Variants in CTNND2 observed in about 807,000 individuals in gnomAD.
CTNND2 encodes catenin delta 2, also known as catenin delta-2.
CTNND2 carries 22 observed loss-of-function variants against 144.4 expected under a neutral mutation model. That is an observed-to-expected ratio of 0.15 (90% CI 0.11 to 0.22). CTNND2 has a LOEUF of 0.22. Among genes scored for constraint, CTNND2 ranks in the 10% least tolerant of loss-of-function variants. CTNND2 has a pLI of 1.00. For missense variants in CTNND2, 1,353 were observed against 1,618.8 expected, an observed-to-expected ratio of 0.84 and a Z score of 2.82; for synonymous variants, 751 against 695.6, an observed-to-expected ratio of 1.08 and a Z score of -1.25.
chr5:11,619,179 G>A (rs1165634480), intron 2 of CTNND2, among the ~76,000 whole-genome samples: 2 of 152,126 alleles, frequency 1.3e-5, no homozygotes, highest in African/African-American at 2.4e-5. Flanking sequence ...AGGCCAAGAC[G>A]GGAGGATCAC....
chr5:11,292,580 C>T (rs1458348952), intron 9 of CTNND2, among the ~76,000 whole-genome samples: 1 of 152,104 alleles, frequency 6.6e-6, no homozygotes, highest in African/African-American at 2.4e-5. Context: ...TTTGACAGTT[C>T]CTCCTTCACA....
intron 3 of CTNND2, among the ~76,000 whole-genome samples, chr5:11,476,643 A>G (rs1767770521): frequency 6.6e-6 from 1 of 152,214 alleles, no homozygotes; most frequent in Non-Finnish European, 1.5e-5. Flanking sequence ...CAGTATGGAA[A>G]TATGCCCAGA....
At chr5:11,892,436 C>T (rs1737045594) in intron 1 of CTNND2, among the ~76,000 whole-genome samples, 1 of 152,186 alleles carries the variant, frequency 6.6e-6, no homozygotes, top group Admixed American at 6.5e-5. Context: ...AACCATTCAG[C>T]AGACAAACTG....
chr5:11,795,056 C>T (rs967825934), intron 1 of CTNND2, among the ~76,000 whole-genome samples: 1 of 151,634 alleles, frequency 6.6e-6, no homozygotes, highest in Admixed American at 6.6e-5. Context: ...TAAATTAAAA[C>T]GTTCTTCAGG....
chr5:11,633,646 G>A (rs1957705217), intron 2 of CTNND2, among the ~76,000 whole-genome samples: 2 of 151,822 alleles, frequency 1.3e-5, no homozygotes, highest in Non-Finnish European at 2.9e-5. Context: ...CATAGTGGTG[G>A]GTGCCTGTAA....
chr5:11,289,404 C>T (rs962243220), intron 9 of CTNND2, among the ~76,000 whole-genome samples: 2 of 152,180 alleles, frequency 1.3e-5, no homozygotes, highest in African/African-American at 2.4e-5. Context: ...AACTAGACTG[C>T]GTATGGCATC....
chr5:11,254,312 T>C (rs1743982001), intron 9 of CTNND2, among the ~76,000 whole-genome samples: 1 of 152,150 alleles, frequency 6.6e-6, no homozygotes, highest in Non-Finnish European at 1.5e-5. Context: ...GCTCAATGCA[T>C]AAAGCAAAGC....
At chr5:11,717,359 A>C (rs542511516) in intron 2 of CTNND2, among the ~76,000 whole-genome samples, 1 of 151,860 alleles carries the variant, frequency 6.6e-6, no homozygotes, top group African/African-American at 2.4e-5. Context: ...GGATCACCTG[A>C]AGTCAAGACT....
chr5:11,381,923 C>T lies in CTNND2; in HGVS notation c.1177+2742G>A, dbSNP rs944533188. ...CGGAGCTGATAGTGAGCCAAGATCA[C>T]GCCACGGCACTCTAGCCTGGGTGAC... On this transcript the variant is annotated intron_variant, in intron 7 of 21. Transcript: ENST00000304623. Among the ~76,000 whole-genome samples, 18 of 152,188 alleles carry T rather than the reference C, an allele frequency of 1.2e-4. No individual in the cohort carries two copies. In the East Asian group the frequency reaches 1.4e-3, roughly 11 times the overall value.
At chr5:11,010,965 T>C (rs752861187) in intron 18 of CTNND2, among the ~76,000 whole-genome samples, 1 of 152,230 alleles carries the variant, frequency 6.6e-6, no homozygotes, top group Admixed American at 6.5e-5. Flanking sequence ...CAGAGAAATA[T>C]GATCTTACTC....
intron 11 of CTNND2, among the ~76,000 whole-genome samples, chr5:11,174,000 C>A (rs1450454041): frequency 6.6e-6 from 1 of 152,126 alleles, no homozygotes; most frequent in East Asian, 1.9e-4. Context: ...AAATGGCCAG[C>A]AGAGATGGAC....
intron 11 of CTNND2, among the ~76,000 whole-genome samples, chr5:11,183,591 C>T (rs1735328793): frequency 6.7e-6 from 1 of 148,958 alleles, no homozygotes; most frequent in Non-Finnish European, 1.5e-5. Context: ...AAGTTTTGCT[C>T]CTGTTGCCCA....
At chr5:11,482,623 G>A (rs550416443) in intron 3 of CTNND2, among the ~76,000 whole-genome samples, 65 of 152,164 alleles carry the variant, frequency 4.3e-4, no homozygotes, top group African/African-American at 1.3e-3. Flanking sequence ...GAGAACAAGC[G>A]GGAAGGGCAT....
intron 7 of CTNND2, among the ~76,000 whole-genome samples, chr5:11,366,400 A>T (rs1756980887): frequency 2.0e-5 from 3 of 152,178 alleles, no homozygotes; most frequent in African/African-American, 7.2e-5. Context: ...TATTTTGAGG[A>T]GGAGAAAGGG....
intron 2 of CTNND2, among the ~76,000 whole-genome samples, chr5:11,662,263 G>GTATATATATACATATATGTGTGTATATA (rs1380327036): frequency 1.9e-4 from 24 of 123,090 alleles, no homozygotes; most frequent in Non-Finnish European, 2.5e-4. Flanking sequence ...GTGTATATAT[G>GTATATATATACATATATGTGTGTATATA]TGTGTGTGTG....
rs578098885 is a variant in CTNND2 at position 11,385,089 on chromosome 5, C to CGCG, written c.750_752dup (p.Ala251dup). 2,967 of 1,054,270 alleles carry CGCG rather than the reference C, an allele frequency of 2.8e-3. 35 individuals are homozygous for CGCG. In the African/African-American group the frequency reaches 0.045, roughly 16 times the overall value. The allele number at this position is 1,054,270 out of a possible 1,614,324, so 65.3% of individuals were successfully genotyped here. A position where few individuals can be genotyped will look rare whatever the true frequency, so the allele number is the denominator to read the frequency against. On this transcript the variant is annotated inframe_insertion, in exon 7 of 22. Coordinates refer to ENST00000304623, the MANE Select transcript of CTNND2 (RefSeq NM_001332.4). ...GCAGCGTGGAGCTGGAGTAGTAGAG[C>CGCG]GCGGCGGCGGCGGCGGCGGGCGGCG...
intron 1 of CTNND2, among the ~76,000 whole-genome samples, chr5:11,761,245 T>C (rs1352981606): frequency 1.3e-5 from 2 of 152,208 alleles, no homozygotes; most frequent in South Asian, 2.1e-4. Flanking sequence ...AGAACGATGC[T>C]AAATTTAAAT....
At chr5:11,698,351 C>T (rs1345840206) in intron 2 of CTNND2, among the ~76,000 whole-genome samples, 3 of 151,068 alleles carry the variant, frequency 2.0e-5, no homozygotes, top group Non-Finnish European at 2.9e-5. Context: ...TGCAGTGGCG[C>T]GATCTCGGCC....
chr5:11,411,640 T>A lies in CTNND2; in HGVS notation c.335A>T (p.Asp112Val). 3.1e-6 allele frequency: 5 copies of A among 1,601,056 alleles called. No homozygotes were observed. The highest frequency in any genetic ancestry group is 4.3e-6 in the Non-Finnish European group (5 of 1,169,452). Residue 112 changes from aspartate to valine, a missense_variant, in exon 5 of 22, where the codon GAT (aspartate) becomes GTT (valine). Physicochemically the swap from Asp to Val is radical, Grantham distance 152 (BLOSUM62 -3). Coordinates refer to ENST00000304623, the MANE Select transcript of CTNND2 (RefSeq NM_001332.4). The part of the protein sequence containing the change: ...FQWQSQDGQK[D>V]IEDELTTGLE... ...ACCTGTTGTAAGCTCATCTTCGATA[T>A]CTTTTTGACCATCTGAAATGAAATA...
Sources: gnomAD v4.1 joint callset for allele counts (sites outside exome capture counted in the v4.1 genomes callset) on GRCh38, gnomAD v4.1.1 for gene constraint, MANE v1.5 for transcripts, NCBI Gene and HGNC (gene_info 2026-07-23, HGNC 2026-07-21) for gene names.